Variants in HELZ observed in about 807,000 individuals in gnomAD.
HELZ encodes ATP-dependent RNA helicase with zinc finger domain.
A neutral mutation model predicts 218.2 loss-of-function variants in HELZ; 23 were observed. That is an observed-to-expected ratio of 0.11 (90% CI 0.08 to 0.15). The LOEUF is 0.15. HELZ is among the 10% of genes least tolerant of loss of function. The pLI is 1.00. For missense variants in HELZ, 1,813 were observed against 2,353.7 expected, an observed-to-expected ratio of 0.77 and a Z score of 4.75; for synonymous variants, 814 against 829.4, an observed-to-expected ratio of 0.98 and a Z score of 0.32.
intron 30 of HELZ, 116 bp from the exon 31 acceptor site, chr17:67,107,801 A>C: frequency 2.3e-6 from 2 of 864,956 alleles, no homozygotes; most frequent in Non-Finnish European, 3.5e-6. Flanking sequence ...AATAACTAGA[A>C]CTGGCATTAA....
Position 67,203,355 on chromosome 17 carries a change from G to T in HELZ, c.336C>A (p.Ser112=). 6.2e-7 allele frequency: 1 copy of T among 1,614,134 alleles called. No homozygotes were observed. Among genetic ancestry groups the T allele is most frequent in the Non-Finnish European group, 8.5e-7 (1 of 1,179,998 alleles). The part of the protein sequence containing the change: ...MQLKGKLQPV[S]TILAKSLTGE... The stretch of plus-strand genomic sequence containing the variant: ...CTGTGAGTGACTTGGCAAGAATGGT[G>T]GATACAGGTTGGAGCTTCCCTTTCA... The change falls in exon 6 of 33, where the codon TCC becomes TCA. Residue 112 remains serine, a synonymous_variant. Transcript: ENST00000358691.
chr17:67,114,416 T>A lies in HELZ; in HGVS notation c.3839-13A>T, dbSNP rs1232317987. The A allele has an allele frequency of 1.3e-6, 2 of 1,490,778 alleles. No homozygotes were observed. Among genetic ancestry groups the A allele is most frequent in the Non-Finnish European group, 1.9e-6 (2 of 1,069,030 alleles). The allele number at this position is 1,490,778 out of a possible 1,614,324, so 92.3% of individuals were successfully genotyped here. A position where few individuals can be genotyped will look rare whatever the true frequency, so the allele number is the denominator to read the frequency against. ...GTATCACTTTTACCTAAGAAAATAT[T>A]TAAAAATCCTTATAAGTTTTCTCCA... On this transcript the variant is annotated splice_polypyrimidine_tract_variant and intron_variant, in intron 27 of 32. Transcript: ENST00000358691.
At position 67,149,856 on chromosome 17, in the gene HELZ, A is replaced by C; in HGVS notation, c.2475+11T>G. The C allele has an allele frequency of 6.7e-7, 1 of 1,493,236 alleles. No homozygotes were observed. The highest frequency in any genetic ancestry group is 9.2e-7 in the Non-Finnish European group (1 of 1,084,930). 92.5% of individuals were successfully genotyped at this position (1,493,236 alleles called of 1,614,324 possible). ...AGTTACTTTCAACACAGCAACTCAGAGGGCACTTACCTGCATGTGATCACC... is the reference window on the plus strand; with the variant it reads ...AGTTACTTTCAACACAGCAACTCAGCGGGCACTTACCTGCATGTGATCACC... On this transcript the variant is annotated intron_variant, in intron 19 of 32. Transcript: ENST00000358691.
chr17:67,216,770 A>G (rs1244287770), intron 4 of HELZ, among the ~76,000 whole-genome samples: 1 of 152,012 alleles, frequency 6.6e-6, no homozygotes, highest in Non-Finnish European at 1.5e-5. Context: ...ACACATTCTC[A>G]TGGCTTTCTT....
At chr17:67,087,121 T>G in intron 31 of HELZ, 40 bp from the exon 32 acceptor site, 3 of 1,600,780 alleles carry the variant, frequency 1.9e-6, no homozygotes, top group Non-Finnish European at 2.6e-6. Flanking sequence ...TCAGTGCACC[T>G]TGTGCCATAG....
chr17:67,156,454 C>T (rs2038845211), intron 17 of HELZ, among the ~76,000 whole-genome samples: 1 of 152,126 alleles, frequency 6.6e-6, no homozygotes, highest in Non-Finnish European at 1.5e-5. Flanking sequence ...TCTCCAGTTA[C>T]CAACCTCCTA....
At chr17:67,242,692 T>C (rs1324736529) in intron 2 of HELZ, among the ~76,000 whole-genome samples, 1 of 151,824 alleles carries the variant, frequency 6.6e-6, no homozygotes, top group East Asian at 1.9e-4. Flanking sequence ...AAAATAAAAA[T>C]TATATGAAAT....
chr17:67,188,513 T>C lies in HELZ; in HGVS notation c.968A>G (p.Gln323Arg), dbSNP rs1451523282. Residue 323 changes from glutamine (Q) to arginine (R), a missense_variant, in exon 12 of 33, where the codon CAA becomes CGA. Transcript: ENST00000358691. The surrounding 1 kb of genome is among the most constrained non-coding windows in gnomAD (Gnocchi z 4.1). ...SAGDSTTQVS[Q>R]EVPENCQEWI... ...TTCTTGACAGTTTTCTGGGACTTCT[T>C]GTGATACCTGGGTAGTACTATCTCC... The C allele has an allele frequency of 6.2e-7, 1 of 1,613,940 alleles. No individual in the cohort carries two copies. Among genetic ancestry groups the C allele is most frequent in the East Asian group, 2.2e-5 (1 of 44,862 alleles).
At chr17:67,142,369 T>C (rs2038353031) in intron 21 of HELZ, among the ~76,000 whole-genome samples, 2 of 151,986 alleles carry the variant, frequency 1.3e-5, no homozygotes, top group East Asian at 1.9e-4. Context: ...TAGCTGGGCA[T>C]TGTGGCATGC....
chr17:67,093,493 T>C (rs148593342), intron 31 of HELZ, among the ~76,000 whole-genome samples: 59 of 152,242 alleles, frequency 3.9e-4, no homozygotes, highest in Non-Finnish European at 7.3e-4. Context: ...TGAGTCCTTC[T>C]CTAAAGCAAT....
In HELZ at chr17:67,209,688, C is replaced by T. The variant is rs576877817; in HGVS notation, c.247+6211G>A. 1.7e-4 allele frequency among the ~76,000 whole-genome samples: 26 copies of T among 152,244 alleles called. No individual in the cohort carries two copies. In the South Asian group the frequency reaches 4.4e-3, roughly 26 times the overall value. On this transcript the variant is annotated intron_variant, in intron 5 of 32. Transcript: ENST00000358691. ...AACATGCCCTTTCAGATCAGAAAGA[C>T]TTCAGTTCAAAACCACACTTCCACT...
At chr17:67,223,900 T>G (rs1170790448) in intron 3 of HELZ, among the ~76,000 whole-genome samples, 1 of 152,168 alleles carries the variant, frequency 6.6e-6, no homozygotes, top group African/African-American at 2.4e-5. Flanking sequence ...CTAATCCAAA[T>G]CCACTAACTC....
intron 24 of HELZ, 148 bp from the exon 25 acceptor site, chr17:67,124,162 G>C: frequency 2.0e-6 from 1 of 512,486 alleles, no homozygotes; most frequent in Non-Finnish European, 3.4e-6. Context: ...CCATTAGACT[G>C]CTTTGAGCCA....
At chr17:67,161,166 T>C in intron 15 of HELZ, 90 bp from the exon 16 acceptor site, 1 of 924,264 alleles carries the variant, frequency 1.1e-6, no homozygotes. Flanking sequence ...AGTGAACCAT[T>C]AAAACCACTG....
At chr17:67,089,668 T>TATATATAGAGAGAGAG (rs71293575) in intron 31 of HELZ, among the ~76,000 whole-genome samples, 72 of 70,616 alleles carry the variant, frequency 1.0e-3, no homozygotes, top group Middle Eastern at 8.2e-3. Flanking sequence ...TATATATATA[T>TATATATAGAGAGAGAG]AGAGAGAGAG....
chr17:67,113,572 C>T (rs1329065701), intron 28 of HELZ, among the ~76,000 whole-genome samples: 1 of 152,076 alleles, frequency 6.6e-6, no homozygotes, highest in Non-Finnish European at 1.5e-5. Context: ...TTAATCTTAA[C>T]GGGAACTCTT....
At chr17:67,173,121 A>G in intron 13 of HELZ, 1 of 699,838 alleles carries the variant, frequency 1.4e-6, no homozygotes, top group Non-Finnish European at 1.8e-6. Flanking sequence ...TAAGAAATGC[A>G]GCTTTTCCCA....
rs1316363756 is a variant in HELZ at position 67,075,781 on chromosome 17, C to T, written c.*2471G>A. ...ATCAGATGGAAGCAGCGTTAGAATC[C>T]TTGACTGGCTATGGAAATAAGGAAT... On this transcript the variant is annotated 3_prime_UTR_variant, in exon 33 of 33. Transcript: ENST00000358691. 1 of 152,498 alleles carries T rather than the reference C, an allele frequency of 6.6e-6. No individual in the cohort carries two copies. The highest frequency in any genetic ancestry group is 1.9e-4 in the East Asian group (1 of 5,202). The allele number at this position is 152,498 out of a possible 1,614,324, so 9.4% of individuals were successfully genotyped here. A position where few individuals can be genotyped will look rare whatever the true frequency, so the allele number is the denominator to read the frequency against.
Position 67,160,943 on chromosome 17 carries a change from T to C in HELZ, c.2029A>G (p.Thr677Ala). The C allele has an allele frequency of 6.2e-7, 1 of 1,613,100 alleles. No homozygotes were observed. Among genetic ancestry groups the C allele is most frequent in the Non-Finnish European group, 8.5e-7 (1 of 1,179,550 alleles). Residue 677 changes from threonine to alanine, a missense_variant, in exon 16 of 33, where the codon ACT (threonine) becomes GCT (alanine). By Grantham distance (58) the Thr-to-Ala change is moderately conservative. Coordinates refer to ENST00000358691, the MANE Select transcript of HELZ (RefSeq NM_014877.4). Reference protein sequence around the residue: ...IGPYGTGKTFTLAQAVKHILQ... With the variant: ...IGPYGTGKTFALAQAVKHILQ... ...ATATGTTTGACAGCCTGAGCTAGAG[T>C]GAACGTTTTGCCTGTCCCATAGGGT...
Sources: allele counts gnomAD v4.1 joint callset (sites outside exome capture counted in the v4.1 genomes callset), GRCh38; gene constraint gnomAD v4.1.1; non-coding constraint Gnocchi (gnomAD v3.1); transcripts MANE v1.5; gene names NCBI Gene and HGNC (gene_info 2026-07-23, HGNC 2026-07-21).